SYT1: variants seen among roughly 807,000 people sequenced by gnomAD.
SYT1 encodes the protein synaptotagmin 1.
SYT1 carries 8 observed loss-of-function variants against 44.8 expected under a neutral mutation model. The ratio of observed to expected loss-of-function variants is 0.18; its 90% CI spans 0.10 to 0.32. The LOEUF (loss-of-function observed/expected upper bound fraction) is 0.32. Ranked by LOEUF, SYT1 falls within the 10% of genes least tolerant of loss-of-function variation. SYT1 has a pLI of 1.00. For synonymous variants in SYT1, 154 were observed against 188.8 expected, an observed-to-expected ratio of 0.82 and a Z score of 1.51; for missense variants, 286 against 509.3, an observed-to-expected ratio of 0.56 and a Z score of 4.22.
chr12:79,094,834 C>T (rs1878018334), intron 3 of SYT1, among the ~76,000 whole-genome samples: 1 of 151,876 alleles, frequency 6.6e-6, no homozygotes, highest in South Asian at 2.1e-4. Flanking sequence ...AAATAATTCT[C>T]ATGACCTAAA....
chr12:79,294,074 C>T (rs1285922395), intron 6 of SYT1, among the ~76,000 whole-genome samples: 9 of 151,934 alleles, frequency 5.9e-5, no homozygotes, highest in Non-Finnish European at 1.3e-4. Flanking sequence ...TTTTTTTCAT[C>T]ATATTGACCA....
At chr12:79,129,954 G>C (rs2138172362) in intron 3 of SYT1, among the ~76,000 whole-genome samples, 1 of 152,218 alleles carries the variant, frequency 6.6e-6, no homozygotes, top group East Asian at 1.9e-4. Flanking sequence ...TCTGCAAATG[G>C]CCAGATGGAG....
chr12:79,401,037 GGGTCTAT>G (rs771072108), intron 9 of SYT1, among the ~76,000 whole-genome samples: 3 of 152,078 alleles, frequency 2.0e-5, no homozygotes, highest in Non-Finnish European at 4.4e-5. Flanking sequence ...TCAGTGCCTT[GGGTCTAT>G]GGCCCATCTG....
intron 3 of SYT1, among the ~76,000 whole-genome samples, chr12:79,192,639 A>C (rs1873201047): frequency 6.6e-6 from 1 of 152,150 alleles, no homozygotes; most frequent in South Asian, 2.1e-4. Context: ...TTTACCCTAT[A>C]GCTAAGCTGA....
At chr12:79,003,630 A>G (rs1870884547) in intron 2 of SYT1, among the ~76,000 whole-genome samples, 1 of 151,982 alleles carries the variant, frequency 6.6e-6, no homozygotes, top group Admixed American at 6.6e-5. Flanking sequence ...TTCTGATTAC[A>G]AAAGGGTATA....
At chr12:78,881,842 A>G (rs1268839074) in intron 1 of SYT1, among the ~76,000 whole-genome samples, 1 of 151,724 alleles carries the variant, frequency 6.6e-6, no homozygotes, top group Non-Finnish European at 1.5e-5. Flanking sequence ...CTCATCTTTG[A>G]CAAGAGAAAT....
At chr12:79,434,855 G>C (rs767041874) in intron 9 of SYT1, among the ~76,000 whole-genome samples, 2 of 151,794 alleles carry the variant, frequency 1.3e-5, no homozygotes, top group African/African-American at 4.8e-5. Flanking sequence ...TTTAGGTAGA[G>C]ACTTCTGGCT....
chr12:79,420,285 T>C (rs374953728), intron 9 of SYT1, among the ~76,000 whole-genome samples: 1 of 152,110 alleles, frequency 6.6e-6, no homozygotes, highest in Non-Finnish European at 1.5e-5. Flanking sequence ...CCTTGCCATG[T>C]TGGCACTGTT....
intron 2 of SYT1, among the ~76,000 whole-genome samples, chr12:79,001,160 G>A (rs1285906259): frequency 6.6e-6 from 1 of 151,762 alleles, no homozygotes; most frequent in Non-Finnish European, 1.5e-5. Context: ...GCTAAAAATT[G>A]CCATTATTTA....
intron 5 of SYT1, among the ~76,000 whole-genome samples, chr12:79,288,751 C>T (rs1288842284): frequency 6.6e-6 from 1 of 152,162 alleles, no homozygotes; most frequent in Non-Finnish European, 1.5e-5. Flanking sequence ...ACGGTTTTCA[C>T]TAATGTGTGT....
chr12:78,970,935 G>A (rs1026824513), intron 1 of SYT1, among the ~76,000 whole-genome samples: 21 of 152,214 alleles, frequency 1.4e-4, no homozygotes, highest in Middle Eastern at 6.8e-3. Context: ...GATCACCTGA[G>A]GTCAAGAGCT....
rs184708931 is a variant in SYT1, at chr12:79,126,452, G to A, written c.-18+79090G>A. ...ATTTTTGTATTTTTAGTAGAGACGG[G>A]ATTTCACCATGTTGGCCAGGATGGT... On this transcript the variant is annotated intron_variant, in intron 3 of 10. Transcript: ENST00000261205. Among the ~76,000 whole-genome samples the A allele has an allele frequency of 2.3e-3, 353 of 152,156 alleles. 1 individual carries two copies. Among genetic ancestry groups the A allele is most frequent in the Non-Finnish European group, 4.4e-3 (298 of 68,008 alleles).
At chr12:79,046,474 A>G (rs1874067916) in intron 2 of SYT1, 16 of 152,158 alleles carry the variant, frequency 1.1e-4, no homozygotes, top group Admixed American at 1.0e-3. Flanking sequence ...AGCATCATGG[A>G]AATTTTCATT....
chr12:78,894,330 G>GTTTTTTTTTTCTTT (rs1875227606), intron 1 of SYT1, among the ~76,000 whole-genome samples: 1 of 27,710 alleles, frequency 3.6e-5, no homozygotes, highest in Non-Finnish European at 6.6e-5. Context: ...TTTTTAATCT[G>GTTTTTTTTTTCTTT]TTTTTTTTTT....
At chr12:79,058,164 T>C (rs949172602) in intron 3 of SYT1, among the ~76,000 whole-genome samples, 1 of 152,024 alleles carries the variant, frequency 6.6e-6, no homozygotes, top group Non-Finnish European at 1.5e-5. Context: ...GTCCCCAACT[T>C]ATGAATGAGT....
intron 9 of SYT1, among the ~76,000 whole-genome samples, chr12:79,424,953 C>CTTTTTTT (rs398040025): frequency 1.1e-3 from 95 of 85,196 alleles, no homozygotes; most frequent in Middle Eastern, 9.6e-3. Context: ...TTTTCTTCTT[C>CTTTTTTT]TTTTTTTTTT....
intron 9 of SYT1, among the ~76,000 whole-genome samples, chr12:79,434,123 T>A (rs1232092284): frequency 6.6e-6 from 1 of 152,238 alleles, no homozygotes. Context: ...GTTTTTTATC[T>A]GTTTCAAAGC....
intron 8 of SYT1, among the ~76,000 whole-genome samples, chr12:79,349,033 A>AAGAAAGAAAGAAAG (rs1367804411): frequency 2.5e-5 from 3 of 120,284 alleles, no homozygotes; most frequent in African/African-American, 9.7e-5. Context: ...GAAAGAAAGA[A>AAGAAAGAAAGAAAG]AAAGAAAGAA....
At chr12:79,412,410 G>A (rs775954038) in intron 9 of SYT1, among the ~76,000 whole-genome samples, 1 of 152,142 alleles carries the variant, frequency 6.6e-6, no homozygotes, top group Non-Finnish European at 1.5e-5. Context: ...CAACTCCTGA[G>A]ATCTTATCAG....
Sources: gnomAD v4.1 joint callset for allele counts (sites outside exome capture counted in the v4.1 genomes callset) on GRCh38, gnomAD v4.1.1 for gene constraint, MANE v1.5 for transcripts, NCBI Gene and HGNC (gene_info 2026-07-23, HGNC 2026-07-21) for gene names.